The following ARPC4 variants were observed in gnomAD, a reference collection of about 807,000 sequenced individuals.
ARPC4 encodes actin-related protein 2/3 complex subunit 4.
ARPC4 carries 3 observed loss-of-function variants against 22.8 expected under a neutral mutation model. The ratio of observed to expected loss-of-function variants is 0.13; its 90% CI spans 0.06 to 0.34. The LOEUF (loss-of-function observed/expected upper bound fraction) is 0.34. Among genes scored for constraint, ARPC4 ranks in the 10% least tolerant of loss-of-function variants. The pLI is 1.00. For synonymous variants in ARPC4, 80 were observed against 72.5 expected (o/e 1.10, Z -0.52); for missense variants, 98 against 211.0 (o/e 0.46, Z 3.32).
At chr3:9,792,907 C>G (rs2078777626), upstream of ARPC4, 1 of 1,398,394 alleles carries the variant, frequency 7.2e-7, no homozygotes, top group Admixed American at 3.3e-5. Context: ...TAAATAGTGA[C>G]TCGAGTGCAA....
intron 2 of ARPC4, 149 bp downstream of exon 2, chr3:9,797,926 ATTTGGAG>A: frequency 1.2e-6 from 1 of 831,138 alleles, no homozygotes. Context: ...GTGATTCCCA[ATTTGGAG>A]TTAAGAAAAT....
At chr3:9,804,185 AAGTTCATCTCTG>A (rs1429076265) in intron 5 of ARPC4, 172 bp downstream of exon 5, 1 of 626,088 alleles carries the variant, frequency 1.6e-6, no homozygotes, top group Non-Finnish European at 2.6e-6. Flanking sequence ...AGAGGACCCC[AAGTTCATCTCTG>A]AGAGCTACAA....
intron 2 of ARPC4, among the ~76,000 whole-genome samples, chr3:9,798,791 T>A (rs2078949121): frequency 6.6e-6 from 1 of 152,136 alleles, no homozygotes; most frequent in Non-Finnish European, 1.5e-5. Context: ...GGAGAATTGC[T>A]TGAACCTGGG....
intron 1 of ARPC4, among the ~76,000 whole-genome samples, chr3:9,794,974 A>G (rs962993530): frequency 1.1e-4 from 17 of 152,224 alleles, no homozygotes; most frequent in African/African-American, 1.9e-4. Context: ...AGTTAATTGA[A>G]TGGCTGGACC....
At chr3:9,794,511 G>A (rs929229418) in intron 1 of ARPC4, among the ~76,000 whole-genome samples, 6 of 151,858 alleles carry the variant, frequency 4.0e-5, no homozygotes, top group South Asian at 4.2e-4. Flanking sequence ...AAAAAAAAGC[G>A]TTGCAAAAAC....
upstream of ARPC4, chr3:9,792,806 C>A: frequency 7.5e-7 from 1 of 1,333,850 alleles, no homozygotes; most frequent in Non-Finnish European, 9.6e-7. Flanking sequence ...TGAAGCTGGG[C>A]TGTACCATTG....
chr3:9,798,084 G>C (rs191389739), intron 2 of ARPC4: 11 of 204,182 alleles, frequency 5.4e-5, no homozygotes, highest in Admixed American at 2.9e-4. Context: ...GGAATGGTCA[G>C]ATAATTGTTA....
chr3:9,793,460 AG>A (rs1163981916), intron 1 of ARPC4, among the ~76,000 whole-genome samples: 2 of 152,134 alleles, frequency 1.3e-5, no homozygotes, highest in Non-Finnish European at 2.9e-5. Flanking sequence ...TTAGCCTCTG[AG>A]GCATGAAGCA....
chr3:9,803,519 C>T (rs778472238), intron 4 of ARPC4: 5 of 493,500 alleles, frequency 1.0e-5, no homozygotes, highest in African/African-American at 1.9e-5. Context: ...ACTAAATGTT[C>T]CCTGTTGTTT....
At chr3:9,800,520 G>T (rs557302671) in intron 3 of ARPC4, among the ~76,000 whole-genome samples, 3 of 152,196 alleles carry the variant, frequency 2.0e-5, no homozygotes, top group Non-Finnish European at 2.9e-5. Context: ...TGCCTCCCGG[G>T]TTCAAGCAGT....
chr3:9,796,106 A>T (rs1013472795), intron 1 of ARPC4, among the ~76,000 whole-genome samples: 17 of 151,456 alleles, frequency 1.1e-4, no homozygotes, highest in Middle Eastern at 3.5e-3. Context: ...AAAAAAAAAT[A>T]AAAAAGGCCA....
chr3:9,804,103 G>A (rs2079063599), intron 5 of ARPC4, 90 bp downstream of exon 5: 3 of 1,469,652 alleles, frequency 2.0e-6, no homozygotes, highest in Non-Finnish European at 9.3e-7. Context: ...AGGGGTCCAA[G>A]CAGTGTGTTT....
intron 3 of ARPC4, among the ~76,000 whole-genome samples, chr3:9,800,821 G>A (rs1318939366): frequency 3.3e-5 from 5 of 152,104 alleles, no homozygotes; most frequent in African/African-American, 1.2e-4. Context: ...TATAAACCTG[G>A]GGCCTGCTTT....
At position 9,805,898 on chromosome 3, in the gene ARPC4, C is replaced by G. The variant is rs62247460; in HGVS notation, c.502-312C>G. 2.6e-3 allele frequency among the ~76,000 whole-genome samples: 402 copies of G among 152,350 alleles called. 2 individuals carry two copies. Among genetic ancestry groups the G allele is most frequent in the Non-Finnish European group, 4.7e-3 (319 of 68,036 alleles). ...AGCCCCCATGCCTAAAGAAAGCAAC[C>G]TCAGTTCACCAGGCAGGACGCTGGC... is the stretch of plus-strand genomic sequence containing the variant. On this transcript the variant is annotated intron_variant, in intron 5 of 5. Coordinates refer to ENST00000397261, the MANE Select transcript of ARPC4 (RefSeq NM_005718.5).
At chr3:9,793,781 GT>G (rs1205464221) in intron 1 of ARPC4, among the ~76,000 whole-genome samples, 1 of 152,018 alleles carries the variant, frequency 6.6e-6, no homozygotes, top group African/African-American at 2.4e-5. Context: ...TTTCATACGT[GT>G]GGGCATTCCT....
chr3:9,797,832 G>A lies in ARPC4; in HGVS notation c.122+55G>A. ...AGGGGTGCAGCACACAGAGATGGCT[G>A]CTGTCTAGAAGGTGCCATGAACTTA... On this transcript the variant is annotated intron_variant, in intron 2 of 5. Transcript: ENST00000397261. 3 of 1,563,084 alleles carry A rather than the reference G, an allele frequency of 1.9e-6. No homozygotes were observed. In the South Asian group the frequency reaches 3.4e-5, roughly 18 times the overall value.
In ARPC4 at chr3:9,806,086, A is replaced by G. The variant is rs967471595; in HGVS notation, c.502-124A>G. On this transcript the variant is annotated intron_variant, in intron 5 of 5. Coordinates refer to ENST00000397261, the MANE Select transcript of ARPC4 (RefSeq NM_005718.5). ...GAGCATGACCACAAGGTGTCCTGGGACCCAACTCTGCCCCTCACAGATATG... is the reference window on the plus strand; with the variant it reads ...GAGCATGACCACAAGGTGTCCTGGGGCCCAACTCTGCCCCTCACAGATATG... The G allele has an allele frequency of 1.7e-5, 19 of 1,134,650 alleles. No individual in the cohort carries two copies. In the Admixed American group the frequency reaches 3.2e-4, roughly 19 times the overall value. 70.3% of individuals were successfully genotyped at this position (1,134,650 alleles called of 1,614,324 possible).
At chr3:9,805,402 A>G (rs1454500338) in intron 5 of ARPC4, among the ~76,000 whole-genome samples, 2 of 152,314 alleles carry the variant, frequency 1.3e-5, no homozygotes, top group South Asian at 2.1e-4. Context: ...TCAGAGGTCT[A>G]AGAAAGTACC....
chr3:9,794,192 GT>G (rs1227508138), intron 1 of ARPC4, among the ~76,000 whole-genome samples: 1 of 152,066 alleles, frequency 6.6e-6, no homozygotes, highest in East Asian at 1.9e-4. Context: ...CCCTTTTTAG[GT>G]TTACTTTCTA....
Sources: allele counts gnomAD v4.1 joint callset (sites outside exome capture counted in the v4.1 genomes callset), GRCh38; gene constraint gnomAD v4.1.1; transcripts MANE v1.5; gene names NCBI Gene and HGNC (gene_info 2026-07-23, HGNC 2026-07-21).